The following KCNU1 variants were observed in gnomAD, a reference collection of about 807,000 sequenced individuals.
The protein encoded by KCNU1 is potassium channel subfamily U member 1.
In KCNU1, 93 loss-of-function variants were observed where a neutral mutation model predicts 126.8. The ratio of observed to expected loss-of-function variants is 0.73; its 90% CI spans 0.62 to 0.87. KCNU1 has a LOEUF of 0.87. Among genes scored for constraint, KCNU1 ranks in the 40% least tolerant of loss-of-function variants. KCNU1 has a pLI of 0.00. For synonymous variants in KCNU1, 523 were observed against 494.2 expected (o/e 1.06, Z -0.77); for missense variants, 1,330 against 1,367.1 (o/e 0.97, Z 0.43).
At chr8:36,839,885 G>C (rs374870029) in intron 14 of KCNU1, among the ~76,000 whole-genome samples, 147 of 152,208 alleles carry the variant, frequency 9.7e-4, no homozygotes, top group African/African-American at 3.5e-3. Context: ...GCCATTTTGA[G>C]ATATCTTTCT....
chr8:36,817,785 G>T, intron 10 of KCNU1, 25 bp downstream of exon 10: 2 of 1,127,098 alleles, frequency 1.8e-6, no homozygotes, highest in African/African-American at 1.5e-5. Flanking sequence ...ATGGCTCATG[G>T]GTTCTAAATT....
chr8:36,918,917 GA>G lies in KCNU1; in HGVS notation c.2596+24del. 2.0e-6 allele frequency: 3 copies of G among 1,509,914 alleles called. No individual in the cohort carries two copies. The highest frequency in any genetic ancestry group is 1.8e-6 in the Non-Finnish European group (2 of 1,089,238). The allele number at this position is 1,509,914 out of a possible 1,614,324, so 93.5% of individuals were successfully genotyped here. On this transcript the variant is annotated intron_variant, in intron 23 of 26. Transcript: ENST00000399881. Reference sequence around the variant, plus strand: ...AACTGAGTAAGTGGTGTTTCGAGGGGAAAATTCAATGGAGAAATTTTTGTGA... The same window carrying G: ...AACTGAGTAAGTGGTGTTTCGAGGGGAAATTCAATGGAGAAATTTTTGTGA...
Position 36,808,775 on chromosome 8 carries a change from T to C in KCNU1, c.714T>C (p.Ala238=), listed in dbSNP as rs534962563. 1.9e-6 allele frequency: 3 copies of C among 1,611,176 alleles called. No individual in the cohort carries two copies. Among genetic ancestry groups the C allele is most frequent in the East Asian group, 4.5e-5 (2 of 44,732 alleles). Residue 238 remains alanine, a synonymous_variant, in exon 7 of 27, where the codon GCT becomes GCC. Coordinates refer to ENST00000399881, the MANE Select transcript of KCNU1 (RefSeq NM_001031836.3). ...LSIILSTWFT[A]AGFIHLVENS... is the part of the protein sequence containing the mutation. ...TAATTCTCAGTACCTGGTTCACAGC[T>C]GCGGGATTCATTCACCTGGTAAGCA...
intron 18 of KCNU1, among the ~76,000 whole-genome samples, chr8:36,848,754 A>T: frequency 6.6e-6 from 1 of 152,054 alleles, no homozygotes; most frequent in Non-Finnish European, 1.5e-5. Context: ...TGGTTTCAAG[A>T]GCACACCACT....
intron 19 of KCNU1, among the ~76,000 whole-genome samples, chr8:36,871,836 C>G (rs777473367): frequency 1.7e-4 from 26 of 152,126 alleles, no homozygotes; most frequent in Non-Finnish European, 2.5e-4. Context: ...CATTAGTTAA[C>G]TACTATTTGC....
intron 19 of KCNU1, among the ~76,000 whole-genome samples, chr8:36,890,916 T>C (rs1338939171): frequency 6.6e-6 from 1 of 151,936 alleles, no homozygotes; most frequent in East Asian, 1.9e-4. Context: ...TTATTTTCCA[T>C]CCTTTTACTT....
chr8:36,830,140 A>C (rs10453048), intron 10 of KCNU1, among the ~76,000 whole-genome samples: 7 of 150,374 alleles, frequency 4.7e-5, no homozygotes, highest in African/African-American at 1.7e-4. Context: ...AATCTTTATA[A>C]ATAAAATAAA....
chr8:36,917,137 A>G (rs967602871), intron 22 of KCNU1, among the ~76,000 whole-genome samples: 2 of 152,140 alleles, frequency 1.3e-5, no homozygotes, highest in Admixed American at 1.3e-4. Flanking sequence ...CCACTCAGGG[A>G]GCAAAGGACC....
intron 19 of KCNU1, among the ~76,000 whole-genome samples, chr8:36,866,022 TG>T (rs1421943768): frequency 6.6e-6 from 1 of 151,800 alleles, no homozygotes; most frequent in East Asian, 1.9e-4. Context: ...TCAGAAGTGG[TG>T]GGTGGGGGAA....
intron 24 of KCNU1, among the ~76,000 whole-genome samples, chr8:36,930,530 T>C (rs1275551264): frequency 1.3e-5 from 2 of 152,118 alleles, no homozygotes; most frequent in Non-Finnish European, 2.9e-5. Context: ...TAGATGACAA[T>C]AATATCATTA....
Position 36,802,090 on chromosome 8 carries a change from A to C in KCNU1, c.316-1937A>C, listed in dbSNP as rs570745062. 3.3e-3 allele frequency among the ~76,000 whole-genome samples: 487 copies of C among 147,580 alleles called. 1 individual carries two copies. The highest frequency in any genetic ancestry group is 0.012 in the African/African-American group (468 of 39,254). The stretch of plus-strand genomic sequence containing the variant: ...CGCCACTGCACTGCAGCCTGGGGAA[A>C]AGAGCGAAACTCCGTCTCAAAAAAA... On this transcript the variant is annotated intron_variant, in intron 2 of 26. Coordinates refer to ENST00000399881, the MANE Select transcript of KCNU1 (RefSeq NM_001031836.3).
At chr8:36,809,437 C>T (rs1202756875) in intron 7 of KCNU1, among the ~76,000 whole-genome samples, 1 of 152,154 alleles carries the variant, frequency 6.6e-6, no homozygotes, top group East Asian at 1.9e-4. Context: ...ATAAACAAAA[C>T]AGAATGCATA....
intron 16 of KCNU1, among the ~76,000 whole-genome samples, chr8:36,844,216 TA>T (rs1451751221): frequency 6.6e-6 from 1 of 151,902 alleles, no homozygotes; most frequent in Admixed American, 6.6e-5. Context: ...CCGTCTCTAC[TA>T]AAAATACAAA....
chr8:36,823,006 C>T (rs1804184820), intron 10 of KCNU1, among the ~76,000 whole-genome samples: 1 of 152,286 alleles, frequency 6.6e-6, no homozygotes, highest in East Asian at 1.9e-4. Flanking sequence ...ATGTATACTT[C>T]CATGTACTTG....
chr8:36,908,634 TGAGAAC>T, intron 20 of KCNU1, among the ~76,000 whole-genome samples: 1 of 150,044 alleles, frequency 6.7e-6, no homozygotes, highest in East Asian at 2.0e-4. Flanking sequence ...AACTGAACAA[TGAGAAC>T]ACTTGGACAC....
chr8:36,905,559 C>T (rs1361110853), intron 19 of KCNU1, 149 bp from the exon 20 acceptor site: 1 of 607,322 alleles, frequency 1.6e-6, no homozygotes, highest in Non-Finnish European at 2.9e-6. Context: ...CAGACCTAAG[C>T]CTTTATTCTA....
intron 23 of KCNU1, among the ~76,000 whole-genome samples, chr8:36,919,761 C>T (rs1414460295): frequency 6.6e-6 from 1 of 152,210 alleles, no homozygotes; most frequent in Non-Finnish European, 1.5e-5. Flanking sequence ...ATTTTACTAA[C>T]CAGAAAAATG....
At chr8:36,879,941 A>G (rs1806412092) in intron 19 of KCNU1, among the ~76,000 whole-genome samples, 1 of 152,228 alleles carries the variant, frequency 6.6e-6, no homozygotes, top group Admixed American at 6.5e-5. Flanking sequence ...TAAAAGCAAG[A>G]CAAACATAAC....
chr8:36,869,279 C>T (rs541426745), intron 19 of KCNU1, among the ~76,000 whole-genome samples: 37 of 152,166 alleles, frequency 2.4e-4, no homozygotes, highest in African/African-American at 7.2e-4. Context: ...GAGAGGAAAA[C>T]GTTTTTAATA....
Sources: gnomAD v4.1 joint callset for allele counts (sites outside exome capture counted in the v4.1 genomes callset) on GRCh38, gnomAD v4.1.1 for gene constraint, MANE v1.5 for transcripts, NCBI Gene and HGNC (gene_info 2026-07-23, HGNC 2026-07-21) for gene names.